Variants in KCND2 observed in about 807,000 individuals in gnomAD.
KCND2 encodes the protein A-type voltage-gated potassium channel KCND2.
Under a neutral mutation model 54.4 loss-of-function variants are expected in KCND2, and 16 were observed. The ratio of observed to expected loss-of-function variants is 0.29; its 90% CI spans 0.20 to 0.45. The LOEUF (loss-of-function observed/expected upper bound fraction) is 0.45. KCND2 is among the 20% of genes least tolerant of loss of function. The pLI, the probability that KCND2 is intolerant of heterozygous loss-of-function variation, is 1.00. For synonymous variants in KCND2, 317 were observed against 310.7 expected (o/e 1.02, Z -0.21); for missense variants, 486 against 824.2 (o/e 0.59, Z 5.02).
intron 1 of KCND2, among the ~76,000 whole-genome samples, chr7:120,526,978 T>C (rs1029477594): frequency 1.3e-5 from 2 of 152,138 alleles, no homozygotes; most frequent in African/African-American, 4.8e-5. Context: ...ATCACAACAA[T>C]GGATCATTTT....
chr7:120,530,425 A>AG (rs1791829225), intron 1 of KCND2, among the ~76,000 whole-genome samples: 5 of 152,322 alleles, frequency 3.3e-5, no homozygotes, highest in African/African-American at 1.2e-4. Flanking sequence ...CAGATTATTC[A>AG]GAGCAGGTGC....
At position 120,473,729 on chromosome 7, in the gene KCND2, TA is replaced by T. The variant is rs996249661; in HGVS notation, c.1115+197989del. ...CTTTTAATCCAATCCAAAGTTTTTT[TA>T]AAAAAATGAAAATAATCGTGACAGT... is the stretch of plus-strand genomic sequence containing the variant. On this transcript the variant is annotated intron_variant, in intron 1 of 5. Transcript: ENST00000331113. Among the ~76,000 whole-genome samples the T allele has an allele frequency of 3.8e-4, 58 of 152,262 alleles. 1 individual carries two copies. Among genetic ancestry groups the T allele is most frequent in the Non-Finnish European group, 5.3e-4 (36 of 68,008 alleles).
At chr7:120,401,707 G>C (rs1353004350) in intron 1 of KCND2, among the ~76,000 whole-genome samples, 1 of 152,080 alleles carries the variant, frequency 6.6e-6, no homozygotes, top group Non-Finnish European at 1.5e-5. Flanking sequence ...CTCCTCATCT[G>C]TTGTCTTAGT....
chr7:120,368,418 A>T lies in KCND2; in HGVS notation c.1115+92671A>T, dbSNP rs368706373. 3.5e-3 allele frequency among the ~76,000 whole-genome samples: 531 copies of T among 152,196 alleles called. 3 individuals are homozygous for T. Among genetic ancestry groups the T allele is most frequent in the African/African-American group, 0.012 (507 of 41,570 alleles). On this transcript the variant is annotated intron_variant, in intron 1 of 5. Transcript: ENST00000331113. Reference sequence around the variant, plus strand: ...AAAATAAAAAAAATAAAAAATAAAAAACTAATCCATGTATCCTTTGTATAA... The same window carrying T: ...AAAATAAAAAAAATAAAAAATAAAATACTAATCCATGTATCCTTTGTATAA...
At chr7:120,563,481 A>G (rs1320781260) in intron 1 of KCND2, among the ~76,000 whole-genome samples, 1 of 152,182 alleles carries the variant, frequency 6.6e-6, no homozygotes, top group Non-Finnish European at 1.5e-5. Context: ...TAGTCTTAGA[A>G]CAAATCAAAC....
chr7:120,547,998 C>G (rs1306856462), intron 1 of KCND2, among the ~76,000 whole-genome samples: 1 of 152,038 alleles, frequency 6.6e-6, no homozygotes, highest in East Asian at 1.9e-4. Context: ...GCCCTTAACT[C>G]CTGGGAACTC....
intron 1 of KCND2, among the ~76,000 whole-genome samples, chr7:120,657,808 A>G (rs2116554993): frequency 6.6e-6 from 1 of 152,156 alleles, no homozygotes; most frequent in East Asian, 1.9e-4. Flanking sequence ...TCATCACATC[A>G]CTGCACTCCA....
At chr7:120,358,483 T>G (rs2116396391) in intron 1 of KCND2, among the ~76,000 whole-genome samples, 1 of 152,278 alleles carries the variant, frequency 6.6e-6, no homozygotes, top group Non-Finnish European at 1.5e-5. Flanking sequence ...TTTGGTGCTT[T>G]AATGACTTCA....
At chr7:120,489,103 A>C (rs1480352731) in intron 1 of KCND2, among the ~76,000 whole-genome samples, 3 of 152,124 alleles carry the variant, frequency 2.0e-5, no homozygotes, top group Admixed American at 1.3e-4. Flanking sequence ...CATGGGCCAA[A>C]ATAATACTAT....
intron 1 of KCND2, among the ~76,000 whole-genome samples, chr7:120,509,288 T>C (rs533954836): frequency 6.6e-6 from 1 of 152,132 alleles, no homozygotes; most frequent in South Asian, 2.1e-4. Flanking sequence ...CAGTTAATAA[T>C]AGTCTATCAC....
chr7:120,593,115 A>G (rs1049216546), intron 1 of KCND2, among the ~76,000 whole-genome samples: 1 of 152,208 alleles, frequency 6.6e-6, no homozygotes, highest in East Asian at 1.9e-4. Flanking sequence ...AAATAGGTTC[A>G]AAAGGATTCT....
At position 120,405,839 on chromosome 7, in the gene KCND2, T is replaced by C. The variant is rs141249296; in HGVS notation, c.1115+130092T>C. Among the ~76,000 whole-genome samples, 221 of 152,218 alleles carry C rather than the reference T, an allele frequency of 1.5e-3. 1 individual carries two copies. The highest frequency in any genetic ancestry group is 6.8e-3 in the Middle Eastern group (2 of 294). On this transcript the variant is annotated intron_variant, in intron 1 of 5. Transcript: ENST00000331113. ...GGAGTATTCAATACATTTTGTGGTA[T>C]TGGTTTAGACACCAGGAAAGCTCCT... is the stretch of plus-strand genomic sequence containing the variant.
At chr7:120,503,544 C>A (rs1270081720) in intron 1 of KCND2, among the ~76,000 whole-genome samples, 1 of 151,964 alleles carries the variant, frequency 6.6e-6, no homozygotes, top group East Asian at 1.9e-4. Flanking sequence ...CATCCTCCCT[C>A]ATATTATTTT....
At chr7:120,278,498 TA>T (rs1799212767) in intron 1 of KCND2, among the ~76,000 whole-genome samples, 1 of 151,306 alleles carries the variant, frequency 6.6e-6, no homozygotes, top group Non-Finnish European at 1.5e-5. Flanking sequence ...AAACAGTGGT[TA>T]TTGAAAGTTC....
At chr7:120,559,908 G>A (rs748668653) in intron 1 of KCND2, among the ~76,000 whole-genome samples, 11 of 152,270 alleles carry the variant, frequency 7.2e-5, no homozygotes, top group Middle Eastern at 3.4e-3. Flanking sequence ...AGGACATATT[G>A]TGAGAAATCC....
chr7:120,541,885 G>A (rs1240145938), intron 1 of KCND2, among the ~76,000 whole-genome samples: 2 of 152,172 alleles, frequency 1.3e-5, no homozygotes, highest in African/African-American at 2.4e-5. Flanking sequence ...TATAACCTAT[G>A]TCATATTCAA....
At chr7:120,655,577 T>C (rs1168933830) in intron 1 of KCND2, among the ~76,000 whole-genome samples, 1 of 152,086 alleles carries the variant, frequency 6.6e-6, no homozygotes, top group Admixed American at 6.6e-5. Flanking sequence ...AAAAACATAT[T>C]TCTTAAAGAG....
At chr7:120,687,269 GT>G (rs1172249617) in intron 1 of KCND2, among the ~76,000 whole-genome samples, 1 of 152,102 alleles carries the variant, frequency 6.6e-6, no homozygotes, top group African/African-American at 2.4e-5. Context: ...GTTGCTGGGG[GT>G]TAAGGGGAGG....
intron 1 of KCND2, among the ~76,000 whole-genome samples, chr7:120,628,907 G>T (rs1401515481): frequency 6.6e-6 from 1 of 152,122 alleles, no homozygotes; most frequent in Non-Finnish European, 1.5e-5. Flanking sequence ...TTTATCTGTC[G>T]ATGAAACCAC....
Sources: gnomAD v4.1 joint callset for allele counts (sites outside exome capture counted in the v4.1 genomes callset) on GRCh38, gnomAD v4.1.1 for gene constraint, MANE v1.5 for transcripts, NCBI Gene and HGNC (gene_info 2026-07-23, HGNC 2026-07-21) for gene names.